Variants in NPAS3 observed in about 807,000 individuals in gnomAD.
NPAS3 encodes the protein neuronal PAS domain protein 3.
In NPAS3, 14 loss-of-function variants were observed where a neutral mutation model predicts 73.1. The observed-to-expected ratio is 0.19, with a 90% confidence interval of 0.13 to 0.30. NPAS3 has a LOEUF of 0.30. NPAS3 is among the 10% of genes least tolerant of loss of function. The pLI is 1.00. For synonymous variants in NPAS3, 620 were observed against 541.5 expected, an observed-to-expected ratio of 1.14 and a Z score of -2.01; for missense variants, 1,096 against 1,250.0, an observed-to-expected ratio of 0.88 and a Z score of 1.86.
chr14:33,653,355 T>A (rs2059053767), intron 5 of NPAS3, among the ~76,000 whole-genome samples: 2 of 152,238 alleles, frequency 1.3e-5, no homozygotes, highest in African/African-American at 4.8e-5. Context: ...CTGCATTCTG[T>A]ATATTTGGTT....
intron 3 of NPAS3, among the ~76,000 whole-genome samples, chr14:33,316,828 T>C (rs2043225841): frequency 6.6e-6 from 1 of 152,020 alleles, no homozygotes; most frequent in Non-Finnish European, 1.5e-5. Context: ...CCCCCAGGAG[T>C]GAGCCAGAAT....
chr14:33,604,676 C>A (rs1284490919), intron 5 of NPAS3, among the ~76,000 whole-genome samples: 1 of 152,064 alleles, frequency 6.6e-6, no homozygotes, highest in Admixed American at 6.5e-5. Context: ...GCACATAAAA[C>A]ATTTACCAAA....
chr14:32,986,013 C>A (rs1327620596), intron 1 of NPAS3, among the ~76,000 whole-genome samples: 1 of 152,180 alleles, frequency 6.6e-6, no homozygotes, highest in African/African-American at 2.4e-5. Context: ...GTCACTACAG[C>A]CCTGAGAGTC....
chr14:32,950,572 T>C (rs1263143694), intron 1 of NPAS3, among the ~76,000 whole-genome samples: 1 of 152,070 alleles, frequency 6.6e-6, no homozygotes, highest in African/African-American at 2.4e-5. Flanking sequence ...ATATCTACAT[T>C]TCAGCATCCA....
intron 4 of NPAS3, among the ~76,000 whole-genome samples, chr14:33,545,324 A>G (rs2139664496): frequency 6.6e-6 from 1 of 152,294 alleles, no homozygotes; most frequent in Non-Finnish European, 1.5e-5. Flanking sequence ...CACAATTACT[A>G]GCAGACATTC....
chr14:33,066,024 C>T (rs1469622743), intron 2 of NPAS3, among the ~76,000 whole-genome samples: 1 of 152,050 alleles, frequency 6.6e-6, no homozygotes, highest in African/African-American at 2.4e-5. Context: ...CTTGAGGCAC[C>T]ATCTGGATGT....
chr14:33,460,128 G>A (rs541367727), intron 4 of NPAS3, among the ~76,000 whole-genome samples: 1 of 152,284 alleles, frequency 6.6e-6, no homozygotes, highest in South Asian at 2.1e-4. Context: ...TACACATACA[G>A]CTCTCTTATG....
At chr14:33,392,294 C>A (rs2047041319) in intron 4 of NPAS3, among the ~76,000 whole-genome samples, 1 of 152,060 alleles carries the variant, frequency 6.6e-6, no homozygotes, top group Non-Finnish European at 1.5e-5. Context: ...ATTTATTGAG[C>A]ATTTATCACA....
intron 4 of NPAS3, among the ~76,000 whole-genome samples, chr14:33,457,483 C>T (rs2050073525): frequency 6.6e-6 from 1 of 152,184 alleles, no homozygotes; most frequent in Non-Finnish European, 1.5e-5. Flanking sequence ...CTTCTGCATC[C>T]TCTGTGCATG....
intron 7 of NPAS3, among the ~76,000 whole-genome samples, chr14:33,748,121 T>C (rs116972145): frequency 0.015 from 2,258 of 152,336 alleles, 31 homozygotes; most frequent in Middle Eastern, 0.044. Context: ...AATGAATTAA[T>C]TTATAAATAT....
chr14:33,335,483 A>G (rs1313858390), intron 3 of NPAS3, among the ~76,000 whole-genome samples: 2 of 152,172 alleles, frequency 1.3e-5, no homozygotes, highest in Non-Finnish European at 2.9e-5. Flanking sequence ...TTCTTGTAAG[A>G]TAAGCTTTAA....
intron 5 of NPAS3, among the ~76,000 whole-genome samples, chr14:33,619,212 A>G (rs2058010168): frequency 6.6e-6 from 1 of 152,188 alleles, no homozygotes; most frequent in Non-Finnish European, 1.5e-5. Context: ...CTGTGATTTT[A>G]TCTGCCAACT....
chr14:33,143,774 G>C (rs2139192828), intron 2 of NPAS3, among the ~76,000 whole-genome samples: 1 of 152,176 alleles, frequency 6.6e-6, no homozygotes, highest in East Asian at 1.9e-4. Flanking sequence ...TGTCTCTGTG[G>C]ATTTACCTAT....
At chr14:33,210,305 T>C (rs1054933899) in intron 2 of NPAS3, among the ~76,000 whole-genome samples, 1 of 152,226 alleles carries the variant, frequency 6.6e-6, no homozygotes, top group Admixed American at 6.5e-5. Flanking sequence ...TCACAAAGAT[T>C]GCAAATTCTT....
chr14:33,033,072 C>T (rs538262764), intron 1 of NPAS3, among the ~76,000 whole-genome samples: 1 of 152,080 alleles, frequency 6.6e-6, no homozygotes, highest in East Asian at 1.9e-4. Flanking sequence ...GTGATTTGGC[C>T]CAATCTCTTT....
chr14:33,409,591 A>C (rs1222320517), intron 4 of NPAS3, among the ~76,000 whole-genome samples: 1 of 152,186 alleles, frequency 6.6e-6, no homozygotes, highest in African/African-American at 2.4e-5. Flanking sequence ...CCTCTTTTAA[A>C]ATGTGGAAAA....
chr14:33,740,146 G>A (rs1490773494), intron 7 of NPAS3, among the ~76,000 whole-genome samples: 2 of 152,062 alleles, frequency 1.3e-5, no homozygotes, highest in African/African-American at 4.8e-5. Flanking sequence ...GGCTCAGCTA[G>A]GCATCTTTTT....
chr14:33,349,955 C>T (rs578240957), intron 3 of NPAS3, among the ~76,000 whole-genome samples: 5 of 152,332 alleles, frequency 3.3e-5, no homozygotes, highest in East Asian at 1.9e-4. Context: ...TCACACTCCG[C>T]GTCCTCTGGC....
chr14:33,249,264 T>C lies in NPAS3; in HGVS notation c.385+33838T>C, dbSNP rs181385999. 2.6e-4 allele frequency among the ~76,000 whole-genome samples: 39 copies of C among 152,222 alleles called. No individual in the cohort carries two copies. The East Asian group carries it at 3.1e-3, about 12-fold the overall frequency. Reference sequence around the variant, plus strand: ...CCAAAGCGAAGTCAATAGTCAAAATTATTTCAAAGAGTCAAACTGAAGAAC... The same window carrying C: ...CCAAAGCGAAGTCAATAGTCAAAATCATTTCAAAGAGTCAAACTGAAGAAC... On this transcript the variant is annotated intron_variant, in intron 3 of 11. Coordinates refer to ENST00000356141, the Ensembl canonical transcript of NPAS3.
Sources: allele counts gnomAD v4.1 joint callset (sites outside exome capture counted in the v4.1 genomes callset), GRCh38; gene constraint gnomAD v4.1.1; transcripts MANE v1.5; gene names NCBI Gene and HGNC (gene_info 2026-07-23, HGNC 2026-07-21).